The following CSGALNACT2 variants were observed in gnomAD, a reference collection of about 807,000 sequenced individuals.
CSGALNACT2 encodes beta 4 GalNAcT-2.
Under a neutral mutation model 55.3 loss-of-function variants are expected in CSGALNACT2, and 35 were observed. The ratio of observed to expected loss-of-function variants is 0.63; its 90% CI spans 0.48 to 0.84. The LOEUF (loss-of-function observed/expected upper bound fraction) is 0.84. Among genes scored for constraint, CSGALNACT2 ranks in the 40% least tolerant of loss-of-function variants. CSGALNACT2 has a pLI of 0.00. For synonymous variants in CSGALNACT2, 196 were observed against 224.9 expected (o/e 0.87, Z 1.15); for missense variants, 544 against 657.5 (o/e 0.83, Z 1.89).
intron 5 of CSGALNACT2, among the ~76,000 whole-genome samples, chr10:43,165,869 C>G (rs1350066301): frequency 1.3e-5 from 2 of 152,152 alleles, no homozygotes; most frequent in Non-Finnish European, 2.9e-5. Flanking sequence ...GTAATCCCAG[C>G]TACTTGCGAG....
chr10:43,153,975 G>A (rs1321311722), intron 1 of CSGALNACT2, among the ~76,000 whole-genome samples: 1 of 152,188 alleles, frequency 6.6e-6, no homozygotes. Context: ...GTGATCTAAT[G>A]TGCAAATAAT....
intron 1 of CSGALNACT2, among the ~76,000 whole-genome samples, chr10:43,143,683 T>C (rs1327538503): frequency 2.0e-5 from 3 of 152,204 alleles, no homozygotes; most frequent in Non-Finnish European, 4.4e-5. Flanking sequence ...CTTGACTCTT[T>C]AACTGGTTTT....
At chr10:43,162,701 G>A in intron 4 of CSGALNACT2, 1 of 983,912 alleles carries the variant, frequency 1.0e-6, no homozygotes, top group Non-Finnish European at 1.2e-6. Flanking sequence ...AGTGCAGTGA[G>A]TGATTCTCCA....
chr10:43,165,615 A>G (rs143340262), intron 5 of CSGALNACT2, among the ~76,000 whole-genome samples: 40 of 152,320 alleles, frequency 2.6e-4, no homozygotes, highest in African/African-American at 7.7e-4. Context: ...CCTGGGCAAC[A>G]TAGTGAGTCC....
intron 4 of CSGALNACT2, chr10:43,163,086 A>G: frequency 3.0e-6 from 3 of 985,296 alleles, no homozygotes; most frequent in Non-Finnish European, 3.6e-6. Context: ...AATGCTTTCT[A>G]CATTCTTACC....
chr10:43,176,135 G>T, intron 7 of CSGALNACT2, 103 bp downstream of exon 7: 4 of 814,076 alleles, frequency 4.9e-6, no homozygotes, highest in Non-Finnish European at 7.6e-6. Context: ...TAAAGTATGA[G>T]TGTCTAAGGT....
At chr10:43,145,410 C>CTTTTTTTTT (rs71016727) in intron 1 of CSGALNACT2, among the ~76,000 whole-genome samples, 2 of 99,420 alleles carry the variant, frequency 2.0e-5, no homozygotes, top group African/African-American at 3.9e-5. Flanking sequence ...TTGTTTGTTT[C>CTTTTTTTTT]TTTTTTTTTT....
At chr10:43,170,919 T>C (rs964133079) in intron 6 of CSGALNACT2, among the ~76,000 whole-genome samples, 1 of 152,164 alleles carries the variant, frequency 6.6e-6, no homozygotes, top group Admixed American at 6.5e-5. Flanking sequence ...ACAAAATACC[T>C]GACCATTCTT....
chr10:43,164,564 G>A (rs896768714), intron 5 of CSGALNACT2, among the ~76,000 whole-genome samples: 3 of 152,166 alleles, frequency 2.0e-5, no homozygotes, highest in African/African-American at 7.2e-5. Context: ...AAATTAATGA[G>A]ATAGCCAGGT....
At chr10:43,153,837 TG>T (rs1217070709) in intron 1 of CSGALNACT2, among the ~76,000 whole-genome samples, 1 of 152,206 alleles carries the variant, frequency 6.6e-6, no homozygotes, top group Non-Finnish European at 1.5e-5. Flanking sequence ...AATGTATAAA[TG>T]GTTTTTGAAT....
chr10:43,154,726 C>CAA (rs369196889), intron 1 of CSGALNACT2, among the ~76,000 whole-genome samples, 171 bp from the exon 2 acceptor site: 14 of 99,876 alleles, frequency 1.4e-4, no homozygotes, highest in South Asian at 2.8e-4. Flanking sequence ...GACTCCATCT[C>CAA]AAAAAAAAAA....
chr10:43,155,176 C>A lies in CSGALNACT2; in HGVS notation c.27C>A (p.His9Gln). The A allele has an allele frequency of 6.2e-7, 1 of 1,614,070 alleles. No homozygotes were observed. The highest frequency in any genetic ancestry group is 8.5e-7 in the Non-Finnish European group (1 of 1,179,932). The change falls in exon 2 of 8, where the codon CAC becomes CAA. Residue 9 changes from histidine to glutamine, a missense_variant. Transcript: ENST00000374466. ...TGCCTAGAAGAGGACTGATTCTTCA[C>A]ACCCGGACCCACTGGTTGCTGTTGG... MPRRGLIL[H>Q]TRTHWLLLGL...
rs748714844 is a variant in CSGALNACT2, at chr10:43,175,943, T to A, written c.1255-8T>A. On this transcript the variant is annotated splice_region_variant and splice_polypyrimidine_tract_variant and intron_variant, in intron 6 of 7. Coordinates refer to ENST00000374466, the MANE Select transcript of CSGALNACT2 (RefSeq NM_018590.5). Reference sequence around the variant, plus strand: ...AAATTGTTTTCTGTTTTTTTTTTTTTAACTAAGGTTCACAAAAAGGATTCT... The same window carrying A: ...AAATTGTTTTCTGTTTTTTTTTTTTAAACTAAGGTTCACAAAAAGGATTCT... 7.3e-5 allele frequency: 113 copies of A among 1,537,666 alleles called. No individual in the cohort carries two copies. Among genetic ancestry groups the A allele is most frequent in the Non-Finnish European group, 9.8e-5 (111 of 1,132,794 alleles).
At chr10:43,149,040 G>A (rs1838819635) in intron 1 of CSGALNACT2, among the ~76,000 whole-genome samples, 1 of 152,104 alleles carries the variant, frequency 6.6e-6, no homozygotes, top group Non-Finnish European at 1.5e-5. Flanking sequence ...CCTTTTCTTA[G>A]ATTAGGAAGG....
chr10:43,143,457 C>T (rs958734905), intron 1 of CSGALNACT2, among the ~76,000 whole-genome samples: 15 of 150,894 alleles, frequency 9.9e-5, no homozygotes, highest in Middle Eastern at 3.2e-3. Context: ...CTGGATTAAA[C>T]GGCCTGTGCA....
chr10:43,162,896 C>T, intron 4 of CSGALNACT2: 1 of 985,418 alleles, frequency 1.0e-6, no homozygotes, highest in Non-Finnish European at 1.2e-6. Flanking sequence ...CAGAAAAGTC[C>T]TGCTGATTCT....
intron 1 of CSGALNACT2, among the ~76,000 whole-genome samples, chr10:43,151,064 A>T (rs181262887): frequency 6.6e-6 from 1 of 152,282 alleles, no homozygotes; most frequent in East Asian, 1.9e-4. Context: ...TATGTCATTC[A>T]TACCTCTACT....
intron 1 of CSGALNACT2, among the ~76,000 whole-genome samples, chr10:43,139,043 C>T (rs2003800295): frequency 6.6e-6 from 1 of 152,096 alleles, no homozygotes; most frequent in Non-Finnish European, 1.5e-5. Context: ...CCTTGAGCAA[C>T]GCAGGAAGCA....
rs149042915 is a variant in CSGALNACT2 at position 43,155,496 on chromosome 10, C to G, written c.347C>G (p.Ala116Gly). ...GIGYQSNKEQ[A>G]PSDLLEFLHS... ...GGCTATCAGAGCAACAAAGAGCAAGCACCTAGTGATCTTTTAGAGTTTCTT... is the reference window on the plus strand; with the variant it reads ...GGCTATCAGAGCAACAAAGAGCAAGGACCTAGTGATCTTTTAGAGTTTCTT... The change falls in exon 2 of 8, where the codon GCA becomes GGA. Residue 116 changes from alanine (A) to glycine (G), a missense_variant. Ala to Gly is a moderately conservative substitution (Grantham distance 60). Around this residue, in one of 2 missense-constraint regions of CSGALNACT2, gnomAD observed 374 missense variants for 401.3 expected, o/e 0.93. Coordinates refer to ENST00000374466, the MANE Select transcript of CSGALNACT2 (RefSeq NM_018590.5). 4.6e-5 allele frequency: 74 copies of G among 1,614,192 alleles called. No individual in the cohort carries two copies. The East Asian group carries it at 1.5e-3, about 34-fold the overall frequency.
Sources: allele counts gnomAD v4.1 joint callset (sites outside exome capture counted in the v4.1 genomes callset), GRCh38; gene constraint gnomAD v4.1.1; regional missense constraint gnomAD v4.1.1; transcripts MANE v1.5; gene names NCBI Gene and HGNC (gene_info 2026-07-23, HGNC 2026-07-21).